VPS54: variants seen among roughly 807,000 people sequenced by gnomAD.
The protein encoded by VPS54 is VPS54 subunit of GARP complex.
In VPS54, 45 loss-of-function variants were observed where a neutral mutation model predicts 121.5. The ratio of observed to expected loss-of-function variants is 0.37; its 90% CI spans 0.29 to 0.47. The LOEUF (loss-of-function observed/expected upper bound fraction) is 0.47, where lower values mean the gene tolerates loss of function less well. VPS54 is among the 20% of genes least tolerant of loss of function. The pLI, the probability that VPS54 is intolerant of heterozygous loss-of-function variation, is 0.99. For missense variants in VPS54, 1,090 were observed against 1,131.4 expected (o/e 0.96, Z 0.52); for synonymous variants, 371 against 385.8 (o/e 0.96, Z 0.45).
At chr2:63,915,151 CAAAAAAAAAA>C (rs5831674) in intron 16 of VPS54, among the ~76,000 whole-genome samples, 591 of 23,866 alleles carry the variant, frequency 0.025, 12 homozygotes, top group African/African-American at 0.074. Flanking sequence ...AGCTCCGTCT[CAAAAAAAAAA>C]AAAAAAAAAA....
rs142074823 is a variant in VPS54, at chr2:63,979,757, T to C, written c.378+1889A>G. 2.7e-3 allele frequency among the ~76,000 whole-genome samples: 412 copies of C among 152,358 alleles called. 2 individuals are homozygous for C. The highest frequency in any genetic ancestry group is 9.8e-3 in the African/African-American group (407 of 41,586). ...TCACATTTTATTTAGAAGCATAAAG[T>C]TCTGGTTTCCAAATATCTGTGGATT... On this transcript the variant is annotated intron_variant, in intron 3 of 22. Transcript: ENST00000272322.
chr2:63,939,517 C>G (rs1674620954), intron 11 of VPS54, among the ~76,000 whole-genome samples: 1 of 152,056 alleles, frequency 6.6e-6, no homozygotes. Flanking sequence ...ATAGTCTATT[C>G]CTGTAATGTG....
At chr2:63,912,271 T>C in intron 20 of VPS54, 74 bp downstream of exon 20, 1 of 1,228,646 alleles carries the variant, frequency 8.1e-7, no homozygotes, top group Non-Finnish European at 1.1e-6. Context: ...CATCTTAATT[T>C]ATAAAGTACT....
chr2:63,919,449 C>T (rs188625914), intron 15 of VPS54, among the ~76,000 whole-genome samples: 42 of 152,210 alleles, frequency 2.8e-4, no homozygotes, highest in African/African-American at 6.7e-4. Context: ...TAGAAGCTAA[C>T]TAGCGCTTAC....
intron 16 of VPS54, 36 bp from the exon 17 acceptor site, chr2:63,914,323 A>G: frequency 7.2e-7 from 1 of 1,381,378 alleles, no homozygotes. Flanking sequence ...TAGGAAATCA[A>G]AACAAGAAAA....
chr2:64,002,212 G>C (rs1297041494), intron 1 of VPS54, among the ~76,000 whole-genome samples: 1 of 152,186 alleles, frequency 6.6e-6, no homozygotes, highest in African/African-American at 2.4e-5. Context: ...CGCTGCATGG[G>C]GGATGGGGGA....
intron 2 of VPS54, among the ~76,000 whole-genome samples, chr2:63,982,467 T>C (rs905625970): frequency 1.1e-4 from 16 of 152,216 alleles, no homozygotes; most frequent in Non-Finnish European, 2.1e-4. Flanking sequence ...GAACCACTGC[T>C]TGTAGGGAAA....
At chr2:64,002,059 G>C (rs1334166246) in intron 1 of VPS54, among the ~76,000 whole-genome samples, 2 of 152,188 alleles carry the variant, frequency 1.3e-5, no homozygotes, top group Admixed American at 6.5e-5. Context: ...GCTAGGGCTG[G>C]TCTGAATGCT....
Position 63,981,818 on chromosome 2 carries a change from G to T in VPS54, c.206C>A (p.Ser69Tyr). 6.2e-7 allele frequency: 1 copy of T among 1,613,670 alleles called. No homozygotes were observed. Among genetic ancestry groups the T allele is most frequent in the Non-Finnish European group, 8.5e-7 (1 of 1,179,774 alleles). Residue 69 changes from serine (S) to tyrosine (Y), a missense_variant, in exon 3 of 23, where the codon TCC (serine) becomes TAC (tyrosine). By Grantham distance (144) the Ser-to-Tyr change is moderately radical. Around this residue, in one of 2 missense-constraint regions of VPS54, gnomAD observed 801 missense variants for 757.0 expected, o/e 1.06. Coordinates refer to ENST00000272322, the MANE Select transcript of VPS54 (RefSeq NM_016516.3). ...TDQHRWTVYH[S>Y]KVNLPAALND... The stretch of plus-strand genomic sequence containing the variant: ...TAATGCTGCTGGGAGATTTACTTTG[G>T]AATGATATACAGTCCATCTATGTTG...
chr2:63,955,898 G>A (rs1675471244), intron 7 of VPS54, among the ~76,000 whole-genome samples: 1 of 152,052 alleles, frequency 6.6e-6, no homozygotes, highest in African/African-American at 2.4e-5. Flanking sequence ...TGTTTTAAAA[G>A]TATGTATCCT....
intron 1 of VPS54, among the ~76,000 whole-genome samples, chr2:63,990,710 A>G (rs542789688): frequency 3.3e-5 from 5 of 152,332 alleles, no homozygotes; most frequent in African/African-American, 7.2e-5. Flanking sequence ...TGAAACTTCA[A>G]TGCAACACTT....
intron 17 of VPS54, 55 bp downstream of exon 17, chr2:63,914,127 C>T (rs1673272872): frequency 7.4e-7 from 1 of 1,344,308 alleles, no homozygotes; most frequent in African/African-American, 1.4e-5. Context: ...TAGTCACACC[C>T]TAATGTATTA....
chr2:63,980,810 G>T (rs1019739445), intron 3 of VPS54, among the ~76,000 whole-genome samples: 1 of 151,904 alleles, frequency 6.6e-6, no homozygotes, highest in African/African-American at 2.4e-5. Flanking sequence ...TAATCACTTA[G>T]ATCTGATCAT....
chr2:63,992,004 T>C (rs143142023), intron 1 of VPS54, among the ~76,000 whole-genome samples: 1 of 152,214 alleles, frequency 6.6e-6, no homozygotes, highest in Non-Finnish European at 1.5e-5. Flanking sequence ...ACCTCAAGGT[T>C]TGGTGAGCCT....
chr2:63,919,087 G>T (rs1036358055), intron 15 of VPS54, among the ~76,000 whole-genome samples: 4 of 151,922 alleles, frequency 2.6e-5, no homozygotes, highest in African/African-American at 9.7e-5. Flanking sequence ...AAATACTCAA[G>T]AATTTCATAA....
At chr2:63,901,996 CAA>C (rs1333725297) in intron 20 of VPS54, among the ~76,000 whole-genome samples, 2 of 152,134 alleles carry the variant, frequency 1.3e-5, no homozygotes, top group South Asian at 2.1e-4. Context: ...GCCTGGGAGA[CAA>C]GAGCAAAACT....
intron 7 of VPS54, among the ~76,000 whole-genome samples, chr2:63,950,304 T>C (rs1426908139): frequency 6.6e-6 from 1 of 152,190 alleles, no homozygotes; most frequent in Non-Finnish European, 1.5e-5. Context: ...TTCTCTTCCA[T>C]AGCACTGATA....
At chr2:63,964,725 T>A (rs975409603) in intron 6 of VPS54, among the ~76,000 whole-genome samples, 7 of 152,230 alleles carry the variant, frequency 4.6e-5, no homozygotes, top group Admixed American at 4.6e-4. Flanking sequence ...CTCCCCAAGC[T>A]AGTCTTTTCT....
chr2:64,003,935 A>G (rs1215372189), intron 1 of VPS54, among the ~76,000 whole-genome samples: 3 of 152,084 alleles, frequency 2.0e-5, no homozygotes, highest in East Asian at 1.9e-4. Context: ...AAGAACCAGG[A>G]CTCTTTGAAA....
Sources: allele counts gnomAD v4.1 joint callset (sites outside exome capture counted in the v4.1 genomes callset), GRCh38; gene constraint gnomAD v4.1.1; regional missense constraint gnomAD v4.1.1; transcripts MANE v1.5; gene names NCBI Gene and HGNC (gene_info 2026-07-23, HGNC 2026-07-21).